The following SFXN5 variants were observed in gnomAD, a reference collection of about 807,000 sequenced individuals.
The protein encoded by SFXN5 is sideroflexin 5, also known as sideroflexin-5.
A neutral mutation model predicts 50.2 loss-of-function variants in SFXN5; 43 were observed. The observed-to-expected ratio is 0.86, with a 90% confidence interval of 0.67 to 1.11. SFXN5 has a LOEUF of 1.11. SFXN5 is among the 50% of genes least tolerant of loss of function. The probability of loss-of-function intolerance (pLI) is 0.00; values close to 1 mark genes in which losing one functional copy is unlikely to be tolerated. For missense variants in SFXN5, 463 were observed against 454.1 expected, an observed-to-expected ratio of 1.02 and a Z score of -0.18; for synonymous variants, 203 against 185.8, an observed-to-expected ratio of 1.09 and a Z score of -0.75.
intron 10 of SFXN5, among the ~76,000 whole-genome samples, chr2:72,981,462 G>A (rs1313712840): frequency 3.9e-5 from 6 of 151,902 alleles, no homozygotes; most frequent in Admixed American, 1.3e-4. Flanking sequence ...AGATCTCATC[G>A]GCCCACCTCG....
intron 3 of SFXN5, among the ~76,000 whole-genome samples, chr2:73,038,077 T>C (rs974798397): frequency 2.6e-5 from 4 of 152,310 alleles, no homozygotes; most frequent in South Asian, 4.1e-4. Flanking sequence ...CATTAGGTGA[T>C]TTCATCATTG....
intron 3 of SFXN5, 73 bp downstream of exon 3, chr2:73,040,781 A>G: frequency 8.0e-7 from 1 of 1,252,260 alleles, no homozygotes; most frequent in Non-Finnish European, 1.1e-6. Context: ...TTCTGGCTGC[A>G]GCGAAGGGTT....
intron 13 of SFXN5, among the ~76,000 whole-genome samples, chr2:72,952,877 G>A (rs1559080025): frequency 6.6e-6 from 1 of 152,178 alleles, no homozygotes. Context: ...TAAGCTCACA[G>A]GGCTGAGCCT....
At position 73,071,665 on chromosome 2, in the gene SFXN5, C is replaced by G. The variant is rs1683639169; in HGVS notation, c.41G>C (p.Ser14Thr). 1.2e-6 allele frequency: 2 copies of G among 1,612,678 alleles called. No individual in the cohort carries two copies. The highest frequency in any genetic ancestry group is 1.7e-5 in the Admixed American group (1 of 59,968). The change falls in exon 1 of 14, where the codon AGT becomes ACT. Residue 14 changes from serine to threonine, a missense_variant. Transcript: ENST00000272433. ...TGCATCGCTCGAGGCGCTAGCGGCA[C>G]TAGCCGCCGCCGCCGATGCTGTAGT... ...TATTASAAAASAASASSDAPP... is the reference protein window; with the variant it reads ...TATTASAAAATAASASSDAPP...
At chr2:72,991,083 C>A (rs1672539590) in intron 9 of SFXN5, among the ~76,000 whole-genome samples, 1 of 152,164 alleles carries the variant, frequency 6.6e-6, no homozygotes, top group Admixed American at 6.5e-5. Flanking sequence ...GGGACCCTTC[C>A]CCATGACAGC....
intron 3 of SFXN5, among the ~76,000 whole-genome samples, chr2:73,025,954 C>T (rs1359762321): frequency 1.3e-5 from 2 of 152,130 alleles, no homozygotes; most frequent in Non-Finnish European, 1.5e-5. Flanking sequence ...TAAAGGAGCC[C>T]GTCTGCATCC....
At chr2:73,015,641 T>G (rs1676051307) in intron 6 of SFXN5, among the ~76,000 whole-genome samples, 1 of 152,218 alleles carries the variant, frequency 6.6e-6, no homozygotes, top group Non-Finnish European at 1.5e-5. Flanking sequence ...TTTGAAAGCT[T>G]TATAAAATTA....
intron 6 of SFXN5, among the ~76,000 whole-genome samples, chr2:73,007,148 C>T (rs893033364): frequency 6.6e-6 from 1 of 152,146 alleles, no homozygotes; most frequent in Non-Finnish European, 1.5e-5. Flanking sequence ...AAGGCCACTG[C>T]CACAGTTCTG....
intron 10 of SFXN5, among the ~76,000 whole-genome samples, chr2:72,984,674 G>C (rs1365119489): frequency 2.6e-5 from 4 of 152,236 alleles, no homozygotes; most frequent in Non-Finnish European, 4.4e-5. Context: ...TAGGGAATAT[G>C]AGGGGAGCCG....
chr2:72,968,111 G>A (rs1239305097), intron 12 of SFXN5, among the ~76,000 whole-genome samples: 1 of 141,818 alleles, frequency 7.1e-6, no homozygotes, highest in African/African-American at 2.6e-5. Flanking sequence ...GAGCATGTGA[G>A]CACACATGAA....
intron 6 of SFXN5, among the ~76,000 whole-genome samples, chr2:73,008,173 A>C (rs779099974): frequency 6.6e-5 from 10 of 152,230 alleles, no homozygotes; most frequent in Non-Finnish European, 1.5e-4. Context: ...CTGTGTGTTA[A>C]AATGAAGGAG....
rs372933316 is a variant in SFXN5 at position 73,047,281 on chromosome 2, CATAT to C, written c.172-6354_172-6351del. ...ATATATATATATATATATATACACA[CATAT>C]ATATATATATATAAAATATATATGT... is the stretch of plus-strand genomic sequence containing the variant. On this transcript the variant is annotated intron_variant, in intron 2 of 13. Coordinates refer to ENST00000272433, the MANE Select transcript of SFXN5 (RefSeq NM_144579.3). 1.4e-3 allele frequency among the ~76,000 whole-genome samples: 81 copies of C among 58,496 alleles called. 2 individuals are homozygous for C. The highest frequency in any genetic ancestry group is 2.7e-3 in the African/African-American group (42 of 15,834). 38.4% of individuals were successfully genotyped at this position (58,496 alleles called of 152,430 possible). A position where few individuals can be genotyped will look rare whatever the true frequency, so the allele number is the denominator to read the frequency against.
rs76308787 is a variant in SFXN5 at position 73,069,948 on chromosome 2, G to A, written c.102+1656C>T. 3.3e-5 allele frequency among the ~76,000 whole-genome samples: 5 copies of A among 152,306 alleles called. No individual in the cohort carries two copies. The East Asian group carries it at 9.6e-4, about 29-fold the overall frequency. ...GCCCCTTCTTGCAAAAGGCCTACAGGGGGTTTGAGGAAACCAAGTCGTCAC... is the reference window on the plus strand; with the variant it reads ...GCCCCTTCTTGCAAAAGGCCTACAGAGGGTTTGAGGAAACCAAGTCGTCAC... On this transcript the variant is annotated intron_variant, in intron 1 of 13. Transcript: ENST00000272433.
intron 2 of SFXN5, among the ~76,000 whole-genome samples, chr2:73,047,868 C>T (rs59108557): frequency 0.14 from 21,566 of 151,886 alleles, 1,802 homozygotes; most frequent in East Asian, 0.36. Context: ...ATTTATCCAA[C>T]GGAATTAAAG....
At chr2:72,971,758 C>T (rs1442140885) in intron 10 of SFXN5, 73 bp from the exon 11 acceptor site, 2 of 1,127,062 alleles carry the variant, frequency 1.8e-6, no homozygotes, top group African/African-American at 3.1e-5. Context: ...GGTCACTACA[C>T]TCCTTCCTAC....
chr2:72,977,628 T>C (rs1670780101), intron 10 of SFXN5, among the ~76,000 whole-genome samples: 1 of 152,164 alleles, frequency 6.6e-6, no homozygotes, highest in Admixed American at 6.5e-5. Flanking sequence ...TGTCATATAG[T>C]TTAATATATA....
intron 3 of SFXN5, 102 bp downstream of exon 3, chr2:73,040,752 T>C (rs1329513939): frequency 2.1e-5 from 19 of 898,280 alleles, no homozygotes; most frequent in Middle Eastern, 3.2e-4. Flanking sequence ...CAGAAGTATA[T>C]GCTGGACGAA....
chr2:72,975,129 G>C (rs1451418619), intron 10 of SFXN5, among the ~76,000 whole-genome samples: 1 of 152,224 alleles, frequency 6.6e-6, no homozygotes, highest in Non-Finnish European at 1.5e-5. Context: ...GCTTCTTGAT[G>C]ATGGCAAGCT....
intron 6 of SFXN5, among the ~76,000 whole-genome samples, chr2:73,005,312 T>A (rs1299314909): frequency 1.3e-5 from 2 of 152,226 alleles, no homozygotes; most frequent in Non-Finnish European, 2.9e-5. Flanking sequence ...TCTCTGCACA[T>A]CCGTCTGTAC....
Sources: allele counts gnomAD v4.1 joint callset (sites outside exome capture counted in the v4.1 genomes callset), GRCh38; gene constraint gnomAD v4.1.1; transcripts MANE v1.5; gene names NCBI Gene and HGNC (gene_info 2026-07-23, HGNC 2026-07-21).